The following NAALADL2 variants were observed in gnomAD, a reference collection of about 807,000 sequenced individuals.
NAALADL2 encodes the protein inactive N-acetylated-alpha-linked acidic dipeptidase-like protein 2.
Under a neutral mutation model 87.2 loss-of-function variants are expected in NAALADL2, and 76 were observed. The observed-to-expected ratio is 0.87, with a 90% CI of 0.72 to 1.05. The LOEUF (loss-of-function observed/expected upper bound fraction) is 1.05. Among genes scored for constraint, NAALADL2 ranks in the 50% least tolerant of loss-of-function variants. The pLI is 0.00. For missense variants in NAALADL2, 1,089 were observed against 945.8 expected (o/e 1.15, Z -1.99); for synonymous variants, 354 against 331.0 (o/e 1.07, Z -0.75).
chr3:174,448,037 T>A (rs1379442472), intron 1 of NAALADL2, among the ~76,000 whole-genome samples: 1 of 152,182 alleles, frequency 6.6e-6, no homozygotes, highest in Non-Finnish European at 1.5e-5. Context: ...ACTGATCTTT[T>A]AGATTTGTGG....
chr3:175,484,318 T>C (rs900443796), intron 9 of NAALADL2, among the ~76,000 whole-genome samples: 1 of 152,172 alleles, frequency 6.6e-6, no homozygotes, highest in African/African-American at 2.4e-5. Flanking sequence ...TTTTTGAAAG[T>C]ATCTCTTAAA....
intron 4 of NAALADL2, among the ~76,000 whole-genome samples, chr3:175,258,186 T>C (rs1265718494): frequency 6.6e-6 from 1 of 151,892 alleles, no homozygotes. Flanking sequence ...CGGGCGCCTG[T>C]AGTCCCAGCT....
At chr3:174,567,422 A>G (rs563812468) in intron 2 of NAALADL2, among the ~76,000 whole-genome samples, 1 of 151,666 alleles carries the variant, frequency 6.6e-6, no homozygotes, top group Admixed American at 6.6e-5. Flanking sequence ...TTTTTCAATT[A>G]TATCTAAACA....
intron 3 of NAALADL2, among the ~76,000 whole-genome samples, chr3:174,837,087 C>T (rs1180055208): frequency 1.3e-5 from 2 of 151,788 alleles, no homozygotes; most frequent in Non-Finnish European, 2.9e-5. Flanking sequence ...ACTTAAGGAA[C>T]TAGAGAAACA....
At chr3:174,829,137 T>C (rs2109360786) in intron 3 of NAALADL2, among the ~76,000 whole-genome samples, 1 of 152,170 alleles carries the variant, frequency 6.6e-6, no homozygotes, top group East Asian at 1.9e-4. Flanking sequence ...AATTATACTT[T>C]AGGTTTTAGG....
chr3:174,511,435 CAT>C (rs569408809), intron 1 of NAALADL2, among the ~76,000 whole-genome samples: 143 of 152,094 alleles, frequency 9.4e-4, no homozygotes, highest in African/African-American at 3.3e-3. Flanking sequence ...TAATATTACT[CAT>C]TGCTCTCAGA....
chr3:174,448,619 A>C (rs1715237513), intron 1 of NAALADL2, among the ~76,000 whole-genome samples: 1 of 152,216 alleles, frequency 6.6e-6, no homozygotes, highest in Non-Finnish European at 1.5e-5. Context: ...CAATGAGATG[A>C]GTATTGCCAG....
intron 2 of NAALADL2, among the ~76,000 whole-genome samples, chr3:175,116,994 A>G (rs1428164926): frequency 6.6e-6 from 1 of 152,136 alleles, no homozygotes; most frequent in East Asian, 1.9e-4. Flanking sequence ...CAAACCTGAC[A>G]AAAACAAGAA....
intron 1 of NAALADL2, among the ~76,000 whole-genome samples, chr3:174,897,670 A>G (rs919791282): frequency 7.9e-5 from 12 of 152,146 alleles, no homozygotes; most frequent in Non-Finnish European, 1.0e-4. Flanking sequence ...TGCTGGGTAT[A>G]TACCCAAAAT....
At chr3:175,732,259 G>T (rs1468700583) in intron 11 of NAALADL2, among the ~76,000 whole-genome samples, 1 of 152,154 alleles carries the variant, frequency 6.6e-6, no homozygotes, top group Non-Finnish European at 1.5e-5. Flanking sequence ...TATTTCATGT[G>T]CATGATGGGG....
chr3:175,787,911 CTT>C lies in NAALADL2; in HGVS notation c.2190-15092_2190-15091del, dbSNP rs536400190. Among the ~76,000 whole-genome samples, 11 of 152,030 alleles carry C rather than the reference CTT, an allele frequency of 7.2e-5. No individual in the cohort carries two copies. The Middle Eastern group carries it at 0.017, about 235-fold the overall frequency. On this transcript the variant is annotated intron_variant, in intron 13 of 13. Coordinates refer to ENST00000454872, the MANE Select transcript of NAALADL2 (RefSeq NM_207015.3). ...CTAATTTATTATTGAAGAAATAAAA[CTT>C]TATTTTATAAATAAATTTAGTATAG...
At chr3:175,663,781 T>C (rs1303929746) in intron 11 of NAALADL2, among the ~76,000 whole-genome samples, 1 of 151,960 alleles carries the variant, frequency 6.6e-6, no homozygotes, top group Admixed American at 6.6e-5. Flanking sequence ...AATTTGTATT[T>C]ACTAAGATAA....
chr3:175,189,128 C>T (rs1052835479), intron 2 of NAALADL2, among the ~76,000 whole-genome samples: 18 of 152,090 alleles, frequency 1.2e-4, no homozygotes, highest in African/African-American at 4.1e-4. Flanking sequence ...CAGCTAACAT[C>T]ATAATTAATG....
chr3:174,657,728 A>T lies in NAALADL2; in HGVS notation c.-114-79913A>T, dbSNP rs568983448. On this transcript the variant is annotated intron_variant, in intron 2 of 3. Transcript: ENST00000434257. ...AATATCATGTATCCAACATTATAGT[A>T]TCTGTCATACAACAGTATTTCCACT... Among the ~76,000 whole-genome samples, 3 of 152,322 alleles carry T rather than the reference A, an allele frequency of 2.0e-5. No individual in the cohort carries two copies. The East Asian group carries it at 5.8e-4, about 29-fold the overall frequency.
chr3:175,288,402 T>G (rs1755245068), intron 4 of NAALADL2, among the ~76,000 whole-genome samples: 1 of 152,196 alleles, frequency 6.6e-6, no homozygotes, highest in Admixed American at 6.5e-5. Context: ...ATACCCAGAT[T>G]GATGTTTAAT....
intron 2 of NAALADL2, among the ~76,000 whole-genome samples, chr3:174,582,827 A>G (rs866378126): frequency 6.6e-5 from 10 of 152,276 alleles, no homozygotes; most frequent in African/African-American, 2.4e-4. Flanking sequence ...CAAGTGATCC[A>G]TCTGCCTTGG....
rs115217085 is a variant in NAALADL2 at position 175,115,769 on chromosome 3, C to T, written c.545+18478C>T. 4.8e-3 allele frequency among the ~76,000 whole-genome samples: 732 copies of T among 151,360 alleles called. 4 individuals carry two copies. Among genetic ancestry groups the T allele is most frequent in the African/African-American group, 0.017 (698 of 41,398 alleles). ...AAAAATTTCATCAGATGAGATCGAGCGCATTCAGGGGAAAAAGGAGAATTT... is the reference window on the plus strand; with the variant it reads ...AAAAATTTCATCAGATGAGATCGAGTGCATTCAGGGGAAAAAGGAGAATTT... On this transcript the variant is annotated intron_variant, in intron 2 of 13. Transcript: ENST00000454872.
intron 4 of NAALADL2, among the ~76,000 whole-genome samples, chr3:175,296,323 A>G (rs1756371777): frequency 6.6e-6 from 1 of 152,124 alleles, no homozygotes; most frequent in African/African-American, 2.4e-5. Flanking sequence ...AACTGCCAAT[A>G]ATACTTCCCG....
chr3:174,983,281 T>C (rs1267897658), intron 1 of NAALADL2, among the ~76,000 whole-genome samples: 1 of 152,030 alleles, frequency 6.6e-6, no homozygotes, highest in Non-Finnish European at 1.5e-5. Context: ...TTAGGATGAG[T>C]TATTTTGAAT....
Sources: gnomAD v4.1 joint callset for allele counts (sites outside exome capture counted in the v4.1 genomes callset) on GRCh38, gnomAD v4.1.1 for gene constraint, MANE v1.5 for transcripts, NCBI Gene and HGNC (gene_info 2026-07-23, HGNC 2026-07-21) for gene names.